The following TGFA variants were observed in gnomAD, a reference collection of about 807,000 sequenced individuals.
TGFA encodes protransforming growth factor alpha.
Under a neutral mutation model 21.7 loss-of-function variants are expected in TGFA, and 12 were observed. The observed-to-expected ratio is 0.55, with a 90% CI of 0.35 to 0.90. TGFA has a LOEUF of 0.90. Ranked by LOEUF, TGFA falls within the 40% of genes least tolerant of loss-of-function variation. The pLI, the probability that TGFA is intolerant of heterozygous loss-of-function variation, is 0.01. For synonymous variants in TGFA, 79 were observed against 88.1 expected (o/e 0.90, Z 0.58); for missense variants, 178 against 210.8 (o/e 0.84, Z 0.96).
chr2:70,453,798 A>T (rs11466263), intron 4 of TGFA, among the ~76,000 whole-genome samples: 1,609 of 152,316 alleles, frequency 0.011, 30 homozygotes, highest in African/African-American at 0.037. Flanking sequence ...AGGAACTTGG[A>T]TGGCTGAATT....
At position 70,524,910 on chromosome 2, in the gene TGFA, T is replaced by TGGCCCCATC. The variant is rs199582089; in HGVS notation, c.41-10007_41-9999dup. 6.0e-3 allele frequency among the ~76,000 whole-genome samples: 910 copies of TGGCCCCATC among 152,292 alleles called. 7 individuals are homozygous for TGGCCCCATC. Among genetic ancestry groups the TGGCCCCATC allele is most frequent in the African/African-American group, 0.02 (813 of 41,562 alleles). On this transcript the variant is annotated intron_variant, in intron 1 of 5. Transcript: ENST00000295400. ...TCCCTCCCTATCCGTGAAGGCCCAT[T>TGGCCCCATC]GGCCCCATCTCAACTTCCCTGGCCT...
intron 2 of TGFA, among the ~76,000 whole-genome samples, chr2:70,506,390 G>A (rs904390541): frequency 1.2e-4 from 19 of 152,166 alleles, no homozygotes; most frequent in African/African-American, 4.6e-4. Context: ...CCATCCAACT[G>A]TAATAAAATG....
At chr2:70,464,143 C>T (rs1341424885) in intron 3 of TGFA, among the ~76,000 whole-genome samples, 7 of 152,220 alleles carry the variant, frequency 4.6e-5, no homozygotes, top group Admixed American at 4.6e-4. Flanking sequence ...AGCAGGCTCT[C>T]CTGGTCCCCA....
chr2:70,553,550 C>A (rs1673583454), intron 1 of TGFA, 178 bp downstream of exon 1: 1 of 1,360,536 alleles, frequency 7.4e-7, no homozygotes, highest in Non-Finnish European at 9.4e-7. Context: ...ACCGGACAGT[C>A]CCCTCTTTGT....
intron 2 of TGFA, among the ~76,000 whole-genome samples, chr2:70,509,133 T>C (rs1672017857): frequency 6.6e-6 from 1 of 152,234 alleles, no homozygotes; most frequent in African/African-American, 2.4e-5. Flanking sequence ...AAGTGTCTTG[T>C]ATTATAGACA....
At chr2:70,517,915 A>G (rs1369810314) in intron 1 of TGFA, among the ~76,000 whole-genome samples, 1 of 152,270 alleles carries the variant, frequency 6.6e-6, no homozygotes, top group African/African-American at 2.4e-5. Flanking sequence ...GGGCAAAGGT[A>G]TGAGCACCCA....
At chr2:70,467,074 A>G (rs1670589039) in intron 2 of TGFA, among the ~76,000 whole-genome samples, 1 of 152,080 alleles carries the variant, frequency 6.6e-6, no homozygotes, top group Non-Finnish European at 1.5e-5. Flanking sequence ...ATTAGGGAAA[A>G]GAACTAATGC....
chr2:70,489,037 G>C (rs1185677849), intron 2 of TGFA, among the ~76,000 whole-genome samples: 1 of 152,166 alleles, frequency 6.6e-6, no homozygotes, highest in Non-Finnish European at 1.5e-5. Context: ...TGGCACAAAA[G>C]ATTCCGAGTC....
intron 2 of TGFA, among the ~76,000 whole-genome samples, chr2:70,471,102 T>TCCCG (rs1670730519): frequency 6.9e-6 from 1 of 144,760 alleles, no homozygotes; most frequent in Non-Finnish European, 1.5e-5. Context: ...TGCATTCTCC[T>TCCCG]CCCCGCACCC....
chr2:70,453,619 A>G (rs1553490026), intron 4 of TGFA, among the ~76,000 whole-genome samples: 2 of 152,196 alleles, frequency 1.3e-5, no homozygotes, highest in Non-Finnish European at 2.9e-5. Flanking sequence ...TGTCAGAGAG[A>G]ACTGGTCCTC....
At chr2:70,544,373 A>C (rs7592263) in intron 1 of TGFA, among the ~76,000 whole-genome samples, 5,333 of 152,000 alleles carry the variant, frequency 0.035, 316 homozygotes, top group African/African-American at 0.12. Flanking sequence ...GGAAGGAGGC[A>C]AAGTTATTAT....
intron 2 of TGFA, among the ~76,000 whole-genome samples, chr2:70,467,984 C>T (rs1224543357): frequency 1.3e-5 from 2 of 152,212 alleles, no homozygotes; most frequent in Non-Finnish European, 2.9e-5. Context: ...CCTGCCTCTG[C>T]AGCTACAAGA....
intron 2 of TGFA, among the ~76,000 whole-genome samples, chr2:70,514,117 C>A (rs13401501): frequency 0.026 from 3,911 of 152,190 alleles, 176 homozygotes; most frequent in African/African-American, 0.09. Flanking sequence ...ATTAAATCAC[C>A]CATGTTCACT....
intron 2 of TGFA, among the ~76,000 whole-genome samples, chr2:70,475,406 G>T (rs1215058810): frequency 6.6e-6 from 1 of 152,182 alleles, no homozygotes; most frequent in Non-Finnish European, 1.5e-5. Flanking sequence ...GGTTAAAGTT[G>T]TTCAATGATG....
At chr2:70,550,251 A>C (rs1673447945) in intron 1 of TGFA, among the ~76,000 whole-genome samples, 2 of 152,172 alleles carry the variant, frequency 1.3e-5, no homozygotes, top group Admixed American at 1.3e-4. Flanking sequence ...GTATCATAAG[A>C]TCAGTTGCAT....
At chr2:70,481,666 A>G (rs572944794) in intron 2 of TGFA, among the ~76,000 whole-genome samples, 1 of 152,298 alleles carries the variant, frequency 6.6e-6, no homozygotes, top group East Asian at 1.9e-4. Context: ...TATGAATGGG[A>G]TGTGACTTCA....
chr2:70,519,884 A>G (rs1672396081), intron 1 of TGFA, among the ~76,000 whole-genome samples: 1 of 152,264 alleles, frequency 6.6e-6, no homozygotes, highest in African/African-American at 2.4e-5. Flanking sequence ...GTCACAGCAC[A>G]GCAGAAAGGG....
intron 5 of TGFA, among the ~76,000 whole-genome samples, chr2:70,452,611 G>A (rs1370128928): frequency 1.3e-5 from 2 of 152,140 alleles, no homozygotes; most frequent in African/African-American, 4.8e-5. Context: ...TTTTATATCA[G>A]TACTCCTCCA....
intron 1 of TGFA, among the ~76,000 whole-genome samples, chr2:70,532,657 T>C (rs1326766861): frequency 6.6e-6 from 1 of 152,200 alleles, no homozygotes; most frequent in Non-Finnish European, 1.5e-5. Flanking sequence ...GGTTCATTTC[T>C]CAAGGCTCGG....
Sources: allele counts gnomAD v4.1 joint callset (sites outside exome capture counted in the v4.1 genomes callset), GRCh38; gene constraint gnomAD v4.1.1; transcripts MANE v1.5; gene names NCBI Gene and HGNC (gene_info 2026-07-23, HGNC 2026-07-21).